Variants in TMEM237 observed in about 807,000 individuals in gnomAD.
TMEM237 encodes the protein amyotrophic lateral sclerosis 2 (juvenile) chromosome region, candidate 4.
Under a neutral mutation model 59.1 loss-of-function variants are expected in TMEM237, and 51 were observed. That is an observed-to-expected ratio of 0.86 (90% CI 0.69 to 1.09). The LOEUF (loss-of-function observed/expected upper bound fraction) is 1.09, where lower values mean the gene tolerates loss of function less well. Among genes scored for constraint, TMEM237 ranks in the 50% least tolerant of loss-of-function variants. The pLI, the probability that TMEM237 is intolerant of heterozygous loss-of-function variation, is 0.00. For synonymous variants in TMEM237, 140 were observed against 166.1 expected, an observed-to-expected ratio of 0.84 and a Z score of 1.21; for missense variants, 475 against 478.3, an observed-to-expected ratio of 0.99 and a Z score of 0.06.
Position 201,624,298 on chromosome 2 carries a change from T to C in TMEM237, c.1184A>G (p.Glu395Gly), listed in dbSNP as rs1957737968. ...SEELMFSSEV[E>G]EYPDKEKEIK... is the part of the protein sequence containing the mutation. ...TTCTTTCTCTTTATCAGGATATTCT[T>C]CCACCTCTGAGGAGAACATTAACTC... The change falls in exon 13 of 13, where the codon GAA becomes GGA. Residue 395 changes from glutamate (E) to glycine (G), a missense_variant. By Grantham distance (98) the Glu-to-Gly change is moderately conservative (BLOSUM62 -2). Coordinates refer to ENST00000409883, the MANE Select transcript of TMEM237 (RefSeq NM_001044385.3). 1 of 1,612,462 alleles carries C rather than the reference T, an allele frequency of 6.2e-7. No homozygotes were observed. Among genetic ancestry groups the C allele is most frequent in the African/African-American group, 1.3e-5 (1 of 75,046 alleles).
Position 201,637,012 on chromosome 2 carries a change from A to G in TMEM237, c.137-127T>C, listed in dbSNP as rs182129315. 117 of 915,608 alleles carry G rather than the reference A, an allele frequency of 1.3e-4. 2 individuals are homozygous for G. The East Asian group carries it at 1.8e-3, about 14-fold the overall frequency. The allele number at this position is 915,608 out of a possible 1,614,324, so 56.7% of individuals were successfully genotyped here. A position where few individuals can be genotyped will look rare whatever the true frequency, so the allele number is the denominator to read the frequency against. On this transcript the variant is annotated intron_variant, in intron 4 of 12. Transcript: ENST00000409883. ...AACCCCATCTCTTTCAGAACTAATTATCCCCCAAATCTTTCCTTCCTCCTC... is the reference window on the plus strand; with the variant it reads ...AACCCCATCTCTTTCAGAACTAATTGTCCCCCAAATCTTTCCTTCCTCCTC...
At chr2:201,639,143 C>T in intron 3 of TMEM237, 98 bp from the exon 4 acceptor site, 2 of 1,131,122 alleles carry the variant, frequency 1.8e-6, no homozygotes, top group Non-Finnish European at 2.6e-6. Context: ...AATTCTCCCT[C>T]TCTTCCCTGG....
At chr2:201,630,935 T>A (rs1957801858) in intron 7 of TMEM237, 1 of 152,164 alleles carries the variant, frequency 6.6e-6, no homozygotes, top group South Asian at 2.1e-4. Context: ...AAATCTAAAT[T>A]GTAAATTTTA....
chr2:201,632,339 T>G (rs1957815222), intron 6 of TMEM237, 131 bp from the exon 7 acceptor site: 1 of 975,802 alleles, frequency 1.0e-6, no homozygotes, highest in African/African-American at 1.6e-5. Context: ...TTTACTCAAA[T>G]AAATCGGTTA....
At chr2:201,641,167 T>C (rs1014252946) in intron 1 of TMEM237, among the ~76,000 whole-genome samples, 7 of 152,132 alleles carry the variant, frequency 4.6e-5, no homozygotes, top group African/African-American at 1.7e-4. Context: ...AATTTTTGTA[T>C]TTTTAGTAGA....
chr2:201,639,099 A>C, intron 3 of TMEM237, 54 bp from the exon 4 acceptor site: 1 of 1,472,282 alleles, frequency 6.8e-7, no homozygotes, highest in Non-Finnish European at 9.3e-7. Context: ...TTCAATGCAG[A>C]GAACAGTCAG....
chr2:201,631,947 TAC>T, intron 7 of TMEM237, 102 bp downstream of exon 7: 1 of 1,240,758 alleles, frequency 8.1e-7, no homozygotes, highest in Non-Finnish European at 1.1e-6. Flanking sequence ...TAAATTGTTG[TAC>T]ACAGTTTTGC....
intron 6 of TMEM237, among the ~76,000 whole-genome samples, chr2:201,633,042 T>C (rs533131585): frequency 6.6e-6 from 1 of 152,334 alleles, no homozygotes; most frequent in South Asian, 2.1e-4. Flanking sequence ...TTGCTACTTA[T>C]ATATTCTATT....
Position 201,638,957 on chromosome 2 carries a change from G to A in TMEM237, c.136+32C>T, listed in dbSNP as rs183816698. ...TACGCCTGAGGTCCTGGGAAAACTT[G>A]TGATCCCACACAACAAAGAATAACG... is the stretch of plus-strand genomic sequence containing the variant. On this transcript the variant is annotated intron_variant, in intron 4 of 12. Coordinates refer to ENST00000409883, the MANE Select transcript of TMEM237 (RefSeq NM_001044385.3). 6.4e-3 allele frequency: 10,008 copies of A among 1,560,456 alleles called. 42 individuals are homozygous for A. The highest frequency in any genetic ancestry group is 7.5e-3 in the Non-Finnish European group (8,662 of 1,151,610).
chr2:201,643,438 G>C lies in TMEM237; in HGVS notation c.-38C>G, dbSNP rs769641971. 3 of 1,472,868 alleles carry C rather than the reference G, an allele frequency of 2.0e-6. 1 individual carries two copies. In the South Asian group the frequency reaches 3.9e-5, roughly 19 times the overall value. 91.2% of individuals were successfully genotyped at this position (1,472,868 alleles called of 1,614,324 possible). A position where few individuals can be genotyped will look rare whatever the true frequency, so the allele number is the denominator to read the frequency against. The stretch of plus-strand genomic sequence containing the variant: ...GCGGGGCTGCCCCGGCGCAACCGCC[G>C]GCGGCCCGAGCCCAGCTCCCCGCGA... On this transcript the variant is annotated 5_prime_UTR_variant, in exon 1 of 13. Transcript: ENST00000409883. The surrounding 1 kb of genome is among the most constrained non-coding windows in gnomAD (Gnocchi z 4.3).
In TMEM237 at chr2:201,623,996, AT is replaced by A. The variant is rs558670305; in HGVS notation, c.*258del. The A allele has an allele frequency of 7.3e-4, 219 of 298,468 alleles. No individual in the cohort carries two copies. The highest frequency in any genetic ancestry group is 4.8e-3 in the Middle Eastern group (5 of 1,032). The allele number at this position is 298,468 out of a possible 1,614,324, so 18.5% of individuals were successfully genotyped here. A position where few individuals can be genotyped will look rare whatever the true frequency, so the allele number is the denominator to read the frequency against. On this transcript the variant is annotated 3_prime_UTR_variant, in exon 13 of 13. Transcript: ENST00000409883. Reference sequence around the variant, plus strand: ...TTATAAATACAACTGTTTTGAGAAAATAGGAAATAAACACTTTCACTTGCTG... The same window carrying A: ...TTATAAATACAACTGTTTTGAGAAAAAGGAAATAAACACTTTCACTTGCTG...
In TMEM237 at chr2:201,621,558, A is replaced by C. The variant is rs557513803; in HGVS notation, c.*2697T>G. 1 of 152,646 alleles carries C rather than the reference A, an allele frequency of 6.6e-6. No homozygotes were observed. Among genetic ancestry groups the C allele is most frequent in the South Asian group, 2.1e-4 (1 of 4,814 alleles). 9.5% of individuals were successfully genotyped at this position (152,646 alleles called of 1,614,324 possible). ...ACACACAACAGCTGAGATGACTCAG[A>C]AAAAAAGAGATCAACAGAAAAAAAG... On this transcript the variant is annotated 3_prime_UTR_variant, in exon 13 of 13. Transcript: ENST00000409883.
chr2:201,638,674 C>T (rs1416485655), intron 4 of TMEM237: 5 of 309,826 alleles, frequency 1.6e-5, no homozygotes, highest in Non-Finnish European at 2.9e-5. Context: ...GGTCTGGAAT[C>T]AATCATAGCT....
chr2:201,625,933 G>T lies in TMEM237; in HGVS notation c.1159+93C>A. 6 of 1,204,222 alleles carry T rather than the reference G, an allele frequency of 5.0e-6. No individual in the cohort carries two copies. The South Asian group carries it at 5.4e-5, about 11-fold the overall frequency. The allele number at this position is 1,204,222 out of a possible 1,614,324, so 74.6% of individuals were successfully genotyped here. On this transcript the variant is annotated intron_variant, in intron 12 of 12. Coordinates refer to ENST00000409883, the MANE Select transcript of TMEM237 (RefSeq NM_001044385.3). ...TTAATTTAAATGTGTCTTTGTTATT[G>T]GAATATTATAAGCTATACCTATTAA...
At chr2:201,633,104 T>C (rs1172219379) in intron 6 of TMEM237, among the ~76,000 whole-genome samples, 1 of 152,218 alleles carries the variant, frequency 6.6e-6, no homozygotes, top group African/African-American at 2.4e-5. Context: ...TTAAGTACAA[T>C]CTTAATTTTT....
intron 2 of TMEM237, among the ~76,000 whole-genome samples, chr2:201,640,572 C>G (rs1401730095): frequency 1.3e-5 from 2 of 151,648 alleles, no homozygotes; most frequent in East Asian, 3.9e-4. Context: ...TGATTAAAAT[C>G]AGCTTAAACT....
Position 201,629,258 on chromosome 2 carries a change from C to A in TMEM237, c.841G>T (p.Ala281Ser). ...TCAAAAGCTGAAATTGTACTCAGAG[C>A]CAAAAGCAAGTACAGAAGACTCTGG... ...PFQSLLYLLL[A>S]LSTISAFDRI... Residue 281 changes from alanine (A) to serine (S), a missense_variant, in exon 9 of 13, where the codon GCT becomes TCT. Ala to Ser is a moderately conservative substitution (Grantham distance 99). Coordinates refer to ENST00000409883, the MANE Select transcript of TMEM237 (RefSeq NM_001044385.3). The A allele has an allele frequency of 1.3e-6, 2 of 1,579,518 alleles. No homozygotes were observed. Among genetic ancestry groups the A allele is most frequent in the South Asian group, 2.4e-5 (2 of 83,708 alleles).
Position 201,641,012 on chromosome 2 carries a change from G to C in TMEM237, c.43-88C>G. On this transcript the variant is annotated intron_variant, in intron 1 of 12. Coordinates refer to ENST00000409883, the MANE Select transcript of TMEM237 (RefSeq NM_001044385.3). Reference sequence around the variant, plus strand: ...CATCACGCTATTTTTTTTTTTTTGAGATGGTGTATTGCTGTGTGGCCCAGG... The same window carrying C: ...CATCACGCTATTTTTTTTTTTTTGACATGGTGTATTGCTGTGTGGCCCAGG... 2.4e-6 allele frequency: 3 copies of C among 1,237,514 alleles called. No homozygotes were observed. In the South Asian group the frequency reaches 4.3e-5, roughly 18 times the overall value. 76.7% of individuals were successfully genotyped at this position (1,237,514 alleles called of 1,614,324 possible).
intron 1 of TMEM237, among the ~76,000 whole-genome samples, chr2:201,641,746 G>A (rs1687426392): frequency 7.8e-6 from 1 of 128,038 alleles, no homozygotes; most frequent in South Asian, 2.5e-4. Context: ...CACACAAAAC[G>A]TAATGAATGA....
Sources: gnomAD v4.1 joint callset for allele counts (sites outside exome capture counted in the v4.1 genomes callset) on GRCh38, gnomAD v4.1.1 for gene constraint, Gnocchi (gnomAD v3.1) non-coding constraint, MANE v1.5 for transcripts, NCBI Gene and HGNC (gene_info 2026-07-23, HGNC 2026-07-21) for gene names.